PBX3: variants seen among roughly 807,000 people sequenced by gnomAD.
PBX3 encodes PBX homeobox 3, also known as pre-B-cell leukemia transcription factor 3.
A neutral mutation model predicts 48.5 loss-of-function variants in PBX3; 14 were observed. The observed-to-expected ratio is 0.29, with a 90% CI of 0.19 to 0.45. The LOEUF (loss-of-function observed/expected upper bound fraction) is 0.45, where lower values mean the gene tolerates loss of function less well. Among genes scored for constraint, PBX3 ranks in the 20% least tolerant of loss-of-function variants. The pLI is 1.00. For synonymous variants in PBX3, 210 were observed against 200.3 expected, an observed-to-expected ratio of 1.05 and a Z score of -0.41; for missense variants, 386 against 546.7, an observed-to-expected ratio of 0.71 and a Z score of 2.93.
chr9:125,878,022 T>C (rs1840296887), intron 2 of PBX3, among the ~76,000 whole-genome samples: 1 of 152,176 alleles, frequency 6.6e-6, no homozygotes, highest in Non-Finnish European at 1.5e-5. Context: ...TGTTTCTTGG[T>C]AGTGGAATGA....
At chr9:125,838,007 G>A (rs1839187263) in intron 2 of PBX3, among the ~76,000 whole-genome samples, 1 of 152,124 alleles carries the variant, frequency 6.6e-6, no homozygotes, top group South Asian at 2.1e-4. Flanking sequence ...TAATAGCAAA[G>A]CCAATGCCAT....
intron 2 of PBX3, among the ~76,000 whole-genome samples, chr9:125,894,052 TAGTTGC>T (rs1281453668): frequency 6.6e-6 from 1 of 152,184 alleles, no homozygotes; most frequent in Non-Finnish European, 1.5e-5. Flanking sequence ...TGGCTACATA[TAGTTGC>T]ACAAAGCATA....
At chr9:125,853,632 A>G (rs935340417) in intron 2 of PBX3, among the ~76,000 whole-genome samples, 1 of 152,226 alleles carries the variant, frequency 6.6e-6, no homozygotes, top group African/African-American at 2.4e-5. Flanking sequence ...ATCCAAGTGC[A>G]AAGTTTAATG....
At chr9:125,913,211 T>C (rs1247570003) in intron 2 of PBX3, among the ~76,000 whole-genome samples, 1 of 152,104 alleles carries the variant, frequency 6.6e-6, no homozygotes, top group Non-Finnish European at 1.5e-5. Flanking sequence ...GAGTTTTCCG[T>C]CAGGAAATGA....
At chr9:125,748,688 G>T (rs1163602607) in intron 2 of PBX3, 65 bp downstream of exon 2, 2 of 1,239,592 alleles carry the variant, frequency 1.6e-6, no homozygotes, top group South Asian at 2.4e-5. Context: ...CTACTCCTTC[G>T]ACTCTCCAGT....
intron 2 of PBX3, among the ~76,000 whole-genome samples, chr9:125,831,511 C>T (rs1838961642): frequency 6.6e-6 from 1 of 151,708 alleles, no homozygotes; most frequent in Admixed American, 6.6e-5. Context: ...TTTAAAAGAG[C>T]TTTATCCATT....
chr9:125,781,535 AGGGAGAGGGGAGAGGGGAGAG>A (rs1169626264), intron 2 of PBX3, among the ~76,000 whole-genome samples: 1 of 70,768 alleles, frequency 1.4e-5, no homozygotes, highest in Non-Finnish European at 2.7e-5. Flanking sequence ...GGTGACCGAG[AGGGAGAGGGGAGAGGGGAGAG>A]GGGAGAGGCG....
intron 5 of PBX3, among the ~76,000 whole-genome samples, chr9:125,953,162 C>T (rs1470529369): frequency 6.6e-6 from 1 of 151,928 alleles, no homozygotes; most frequent in Non-Finnish European, 1.5e-5. Context: ...AATTTAATCT[C>T]TCTCTCTCTC....
chr9:125,795,959 G>A (rs1021645883), intron 2 of PBX3, among the ~76,000 whole-genome samples: 2 of 152,140 alleles, frequency 1.3e-5, no homozygotes, highest in Non-Finnish European at 2.9e-5. Context: ...CATTTTTGGT[G>A]TAAGAGACTA....
At chr9:125,815,155 A>G (rs1253776308) in intron 2 of PBX3, among the ~76,000 whole-genome samples, 1 of 152,194 alleles carries the variant, frequency 6.6e-6, no homozygotes, top group Non-Finnish European at 1.5e-5. Flanking sequence ...CCTTCAGGGT[A>G]ACTTTCTGGG....
chr9:125,962,164 A>G lies in PBX3; in HGVS notation c.1072A>G (p.Asn358Asp), dbSNP rs567150557. The change falls in exon 7 of 9, where the codon AAT (asparagine) becomes GAT (aspartate). Residue 358 changes from asparagine (N) to aspartate (D), a missense_variant. Transcript: ENST00000373489. Reference sequence around the variant, plus strand: ...CATGTTCATGAACATGCAGAGTCTGAATGGGGATTCTTACCAAGGGTCCCA... The same window carrying G: ...CATGTTCATGAACATGCAGAGTCTGGATGGGGATTCTTACCAAGGGTCCCA... Reference protein sequence around the residue: ...GDMFMNMQSLNGDSYQGSQVG... With the variant: ...GDMFMNMQSLDGDSYQGSQVG... 6.2e-7 allele frequency: 1 copy of G among 1,613,500 alleles called. No individual in the cohort carries two copies. The highest frequency in any genetic ancestry group is 1.1e-5 in the South Asian group (1 of 91,016).
At chr9:125,826,249 T>C (rs1187040119) in intron 2 of PBX3, among the ~76,000 whole-genome samples, 1 of 152,316 alleles carries the variant, frequency 6.6e-6, no homozygotes, top group Admixed American at 6.5e-5. Context: ...TAGGATTCTT[T>C]GAAAAAGAAG....
At chr9:125,946,430 A>C (rs1016185419) in intron 5 of PBX3, among the ~76,000 whole-genome samples, 1 of 152,222 alleles carries the variant, frequency 6.6e-6, no homozygotes, top group Non-Finnish European at 1.5e-5. Flanking sequence ...GACTCACAAC[A>C]GTATAGGAAA....
intron 2 of PBX3, among the ~76,000 whole-genome samples, chr9:125,877,013 C>T (rs1840270022): frequency 6.6e-6 from 1 of 152,010 alleles, no homozygotes; most frequent in Admixed American, 6.6e-5. Flanking sequence ...ACCTTGTGAT[C>T]TGCCTGCCTT....
At chr9:125,902,043 C>T (rs893777969) in intron 2 of PBX3, among the ~76,000 whole-genome samples, 1 of 150,534 alleles carries the variant, frequency 6.6e-6, no homozygotes, top group South Asian at 2.1e-4. Flanking sequence ...AAAAATGTAT[C>T]TTTTAGATAC....
intron 2 of PBX3, among the ~76,000 whole-genome samples, chr9:125,772,357 A>G (rs1382443577): frequency 2.0e-5 from 3 of 152,222 alleles, no homozygotes; most frequent in Non-Finnish European, 4.4e-5. Context: ...GAACTGGGTT[A>G]GTACTCCTAA....
intron 2 of PBX3, among the ~76,000 whole-genome samples, chr9:125,791,130 A>T (rs1015995016): frequency 6.6e-6 from 1 of 152,030 alleles, no homozygotes; most frequent in Admixed American, 6.6e-5. Flanking sequence ...TGGCCAGGCT[A>T]GTCTTGAACT....
In PBX3 at chr9:125,966,089, G is replaced by T; in HGVS notation, c.*166G>T. ...GTTTTTTAAGGAATCATAATCATTT[G>T]TATTTATACTTAAAAACACACAATG... On this transcript the variant is annotated 3_prime_UTR_variant, in exon 9 of 9. Coordinates refer to ENST00000373489, the MANE Select transcript of PBX3 (RefSeq NM_006195.6). 2.1e-6 allele frequency: 1 copy of T among 474,952 alleles called. No individual in the cohort carries two copies. Among genetic ancestry groups the T allele is most frequent in the East Asian group, 3.2e-5 (1 of 31,140 alleles). 29.4% of individuals were successfully genotyped at this position (474,952 alleles called of 1,614,324 possible). A position where few individuals can be genotyped will look rare whatever the true frequency, so the allele number is the denominator to read the frequency against.
At chr9:125,876,252 A>G (rs899203907) in intron 2 of PBX3, among the ~76,000 whole-genome samples, 2 of 152,188 alleles carry the variant, frequency 1.3e-5, no homozygotes, top group Non-Finnish European at 2.9e-5. Context: ...GTTATTTAAG[A>G]ATGGAATTAA....
Sources: allele counts gnomAD v4.1 joint callset (sites outside exome capture counted in the v4.1 genomes callset), GRCh38; gene constraint gnomAD v4.1.1; transcripts MANE v1.5; gene names NCBI Gene and HGNC (gene_info 2026-07-23, HGNC 2026-07-21).